Variants in FAM117B observed in about 807,000 individuals in gnomAD.
FAM117B encodes family with sequence similarity 117 member B, also known as protein FAM117B.
In FAM117B, 22 loss-of-function variants were observed where a neutral mutation model predicts 52.8. That is an observed-to-expected ratio of 0.42 (90% CI 0.30 to 0.59). The LOEUF is 0.59. FAM117B is among the 20% of genes least tolerant of loss of function. FAM117B has a pLI of 0.22. For missense variants in FAM117B, 678 were observed against 802.6 expected (o/e 0.84, Z 1.88); for synonymous variants, 309 against 324.1 (o/e 0.95, Z 0.50).
intron 2 of FAM117B, among the ~76,000 whole-genome samples, chr2:202,714,907 A>G (rs1691019867): frequency 2.0e-5 from 3 of 151,634 alleles, no homozygotes; most frequent in Admixed American, 1.3e-4. Flanking sequence ...TACAGAACAA[A>G]ATGAAAAGTC....
intron 2 of FAM117B, among the ~76,000 whole-genome samples, chr2:202,723,507 C>T (rs1691184278): frequency 6.6e-6 from 1 of 152,132 alleles, no homozygotes; most frequent in African/African-American, 2.4e-5. Context: ...CATATAAAGG[C>T]AGTTGCTATA....
At chr2:202,663,133 A>G (rs901465496) in intron 1 of FAM117B, among the ~76,000 whole-genome samples, 2 of 152,262 alleles carry the variant, frequency 1.3e-5, no homozygotes, top group African/African-American at 4.8e-5. Context: ...CACTTCTACA[A>G]CATTTTAATT....
At chr2:202,638,349 A>C (rs1165151741) in intron 1 of FAM117B, among the ~76,000 whole-genome samples, 2 of 152,152 alleles carry the variant, frequency 1.3e-5, no homozygotes, top group Non-Finnish European at 2.9e-5. Flanking sequence ...TCTCTTAACA[A>C]CTGTTTGACA....
intron 1 of FAM117B, among the ~76,000 whole-genome samples, chr2:202,673,433 G>GTTTTTTTTTTTTTTTTTTTTTTT (rs1158185300): frequency 1.3e-4 from 5 of 37,534 alleles, no homozygotes; most frequent in African/African-American, 3.1e-4. Flanking sequence ...TTCTTTTTCT[G>GTTTTTTTTTTTTTTTTTTTTTTT]TTTTTTTTTT....
At chr2:202,749,888 TTAAG>T (rs955377920) in intron 4 of FAM117B, among the ~76,000 whole-genome samples, 1 of 152,160 alleles carries the variant, frequency 6.6e-6, no homozygotes, top group Non-Finnish European at 1.5e-5. Flanking sequence ...TGGCTTATGT[TTAAG>T]TATGTTCTTA....
rs1293892428 is a variant in FAM117B, at chr2:202,768,100, T to C, written c.*2336T>C. 3 of 152,194 alleles carry C rather than the reference T, an allele frequency of 2.0e-5. No homozygotes were observed. 9.4% of individuals were successfully genotyped at this position (152,194 alleles called of 1,614,324 possible). A position where few individuals can be genotyped will look rare whatever the true frequency, so the allele number is the denominator to read the frequency against. ...AAACAAGTTATTTAAAAAGAACTCT[T>C]GGTTTTTGGATGACTTGAATTCTGT... On this transcript the variant is annotated 3_prime_UTR_variant, in exon 8 of 8. Transcript: ENST00000392238.
chr2:202,743,499 A>G (rs1353301301), intron 4 of FAM117B, among the ~76,000 whole-genome samples: 2 of 152,240 alleles, frequency 1.3e-5, no homozygotes, highest in Non-Finnish European at 2.9e-5. Flanking sequence ...GCAAGGAACC[A>G]TGGCATCTCC....
chr2:202,643,719 C>CT (rs930084126), intron 1 of FAM117B, among the ~76,000 whole-genome samples: 27 of 151,498 alleles, frequency 1.8e-4, no homozygotes, highest in East Asian at 5.8e-4. Flanking sequence ...TTCTTTCTTT[C>CT]TTTTTTTTGA....
chr2:202,733,836 A>AT (rs2105790565), intron 4 of FAM117B, among the ~76,000 whole-genome samples: 1 of 152,362 alleles, frequency 6.6e-6, no homozygotes, highest in African/African-American at 2.4e-5. Context: ...GGTGATGTAC[A>AT]TTCTCAGCTT....
At chr2:202,715,025 C>T (rs1234630887) in intron 2 of FAM117B, among the ~76,000 whole-genome samples, 1 of 152,228 alleles carries the variant, frequency 6.6e-6, no homozygotes, top group Admixed American at 6.5e-5. Flanking sequence ...GTCATCATGG[C>T]CCGTTCTCAA....
intron 4 of FAM117B, among the ~76,000 whole-genome samples, chr2:202,740,359 CAAA>C (rs769846441): frequency 1.4e-4 from 9 of 65,558 alleles, no homozygotes; most frequent in South Asian, 5.7e-4. Context: ...GACTCTGCCT[CAAA>C]AAAAAAAAAA....
At chr2:202,692,406 C>A (rs1690647217) in intron 1 of FAM117B, among the ~76,000 whole-genome samples, 1 of 152,016 alleles carries the variant, frequency 6.6e-6, no homozygotes, top group Admixed American at 6.6e-5. Flanking sequence ...TGTAATGTAC[C>A]ACATAGTAAA....
rs1269785887 is a variant in FAM117B at position 202,768,860 on chromosome 2, G to A, written c.*3096G>A. The A allele has an allele frequency of 2.6e-5, 4 of 152,040 alleles. No homozygotes were observed. The East Asian group carries it at 7.7e-4, about 29-fold the overall frequency. The allele number at this position is 152,040 out of a possible 1,614,324, so 9.4% of individuals were successfully genotyped here. ...GTCTTTCAGAGAAAGGAGCTATTTGGTTATTCACTTTGTCAATCTTAGGTT... is the reference window on the plus strand; with the variant it reads ...GTCTTTCAGAGAAAGGAGCTATTTGATTATTCACTTTGTCAATCTTAGGTT... On this transcript the variant is annotated 3_prime_UTR_variant, in exon 8 of 8. Transcript: ENST00000392238.
At chr2:202,655,754 G>GAGAGAA (rs1559095455) in intron 1 of FAM117B, among the ~76,000 whole-genome samples, 130 of 148,478 alleles carry the variant, frequency 8.8e-4, no homozygotes, top group Non-Finnish European at 1.7e-3. Flanking sequence ...GAGAGAGAGA[G>GAGAGAA]AGAGAGAGTG....
Position 202,635,317 on chromosome 2 carries a change from AAGCAGC to A in FAM117B, c.144_149del (p.Gln49_Gln50del), listed in dbSNP as rs567562707. 3.1e-4 allele frequency: 439 copies of A among 1,404,194 alleles called. 2 individuals carry two copies. The African/African-American group carries it at 5.5e-3, about 17-fold the overall frequency. 87.0% of individuals were successfully genotyped at this position (1,404,194 alleles called of 1,614,324 possible). On this transcript the variant is annotated inframe_deletion, in exon 1 of 8. Transcript: ENST00000392238. Reference sequence around the variant, plus strand: ...GAGGGCGACGGTTCCGTTCCAGCTGAAGCAGCAGCAGCAGCAGCAACATGGCAGCCC... The same window carrying A: ...GAGGGCGACGGTTCCGTTCCAGCTGAAGCAGCAGCAGCAACATGGCAGCCC...
At chr2:202,705,358 T>A (rs1004587283) in intron 2 of FAM117B, among the ~76,000 whole-genome samples, 1 of 152,062 alleles carries the variant, frequency 6.6e-6, no homozygotes. Flanking sequence ...TTTTGAAAGA[T>A]GTTAATCTCT....
At chr2:202,679,492 C>T (rs1441873145) in intron 1 of FAM117B, among the ~76,000 whole-genome samples, 2 of 152,182 alleles carry the variant, frequency 1.3e-5, no homozygotes, top group Non-Finnish European at 2.9e-5. Flanking sequence ...AGTGAAACTC[C>T]ATTAGGCTGG....
At chr2:202,677,526 A>G (rs1472065569) in intron 1 of FAM117B, among the ~76,000 whole-genome samples, 1 of 152,056 alleles carries the variant, frequency 6.6e-6, no homozygotes, top group African/African-American at 2.4e-5. Flanking sequence ...AATTTTTTGT[A>G]TTTCTCGCTA....
At chr2:202,659,167 A>G (rs920981803) in intron 1 of FAM117B, among the ~76,000 whole-genome samples, 1 of 151,520 alleles carries the variant, frequency 6.6e-6, no homozygotes, top group Non-Finnish European at 1.5e-5. Flanking sequence ...CACCACACCC[A>G]GCTAATTTTT....
Sources: gnomAD v4.1 joint callset for allele counts (sites outside exome capture counted in the v4.1 genomes callset) on GRCh38, gnomAD v4.1.1 for gene constraint, MANE v1.5 for transcripts, NCBI Gene and HGNC (gene_info 2026-07-23, HGNC 2026-07-21) for gene names.